PPP2R5C: variants seen among roughly 807,000 people sequenced by gnomAD.
The protein encoded by PPP2R5C is protein phosphatase 2 regulatory subunit B'gamma.
A neutral mutation model predicts 68.9 loss-of-function variants in PPP2R5C; 7 were observed. The ratio of observed to expected loss-of-function variants is 0.10; its 90% confidence interval spans 0.06 to 0.19. The LOEUF (loss-of-function observed/expected upper bound fraction) is 0.19, where lower values mean the gene tolerates loss of function less well. PPP2R5C is among the 10% of genes least tolerant of loss of function. The probability of loss-of-function intolerance (pLI) is 1.00; values close to 1 mark genes in which losing one functional copy is unlikely to be tolerated. For synonymous variants in PPP2R5C, 210 were observed against 222.2 expected, an observed-to-expected ratio of 0.95 and a Z score of 0.49; for missense variants, 348 against 641.3, an observed-to-expected ratio of 0.54 and a Z score of 4.94.
At chr14:101,832,394 G>A (rs899749119) in intron 1 of PPP2R5C, among the ~76,000 whole-genome samples, 1 of 152,096 alleles carries the variant, frequency 6.6e-6, no homozygotes, top group Admixed American at 6.5e-5. Context: ...CAAATCCATG[G>A]TTTCTTGGGT....
chr14:101,807,666 A>G (rs1290207418), upstream of PPP2R5C, among the ~76,000 whole-genome samples: 3 of 151,936 alleles, frequency 2.0e-5, no homozygotes, highest in Non-Finnish European at 4.4e-5. Flanking sequence ...ATTTATTTCT[A>G]TCTTAGAGTC....
intron 1 of PPP2R5C, among the ~76,000 whole-genome samples, chr14:101,845,091 T>C: frequency 6.6e-6 from 1 of 151,976 alleles, no homozygotes; most frequent in South Asian, 2.1e-4. Context: ...TGGATTTATA[T>C]CTTTATCCCT....
chr14:101,797,379 C>A lies in PPP2R5C; in HGVS notation c.259+11196C>A. ...CAGTCAGTACACGAGTTAACAGTTGCGTGCTTGTCTGCCTGTGTCATCCAT... is the reference window on the plus strand; with the variant it reads ...CAGTCAGTACACGAGTTAACAGTTGAGTGCTTGTCTGCCTGTGTCATCCAT... On this transcript the variant is annotated intron_variant, in intron 3 of 14. Transcript: ENST00000328724. This position sits in a 1 kb window ranked among gnomAD's most constrained non-coding sequence, Gnocchi z 4.2. 2.3e-6 allele frequency: 1 copy of A among 438,722 alleles called. No homozygotes were observed. Among genetic ancestry groups the A allele is most frequent in the Non-Finnish European group, 4.7e-6 (1 of 214,698 alleles). The allele number at this position is 438,722 out of a possible 1,614,324, so 27.2% of individuals were successfully genotyped here. A position where few individuals can be genotyped will look rare whatever the true frequency, so the allele number is the denominator to read the frequency against.
Position 101,802,951 on chromosome 14 carries a change from TA to T in PPP2R5C, c.259+16791del, listed in dbSNP as rs571594853. The stretch of plus-strand genomic sequence containing the variant: ...CACACCCACTAGGATGGCTACTATT[TA>T]AAAAAAAAAAAAAAAAAAAAAAGGA... On this transcript the variant is annotated intron_variant, in intron 3 of 14. Coordinates refer to the PPP2R5C transcript ENST00000328724. 5.1e-3 allele frequency among the ~76,000 whole-genome samples: 506 copies of T among 99,920 alleles called. 2 individuals are homozygous for T. The highest frequency in any genetic ancestry group is 0.01 in the South Asian group (31 of 3,070). The allele number at this position is 99,920 out of a possible 152,430, so 65.6% of individuals were successfully genotyped here. A position where few individuals can be genotyped will look rare whatever the true frequency, so the allele number is the denominator to read the frequency against.
chr14:101,845,043 G>A (rs3405), intron 1 of PPP2R5C, among the ~76,000 whole-genome samples: 62,126 of 151,890 alleles, frequency 0.41, 15,101 homozygotes, highest in South Asian at 0.58. Context: ...AGAGTCCTAT[G>A]TGGGAAATAT....
At chr14:101,769,670 A>G (rs1265103441) in intron 2 of PPP2R5C, among the ~76,000 whole-genome samples, 2 of 152,204 alleles carry the variant, frequency 1.3e-5, no homozygotes, top group African/African-American at 4.8e-5. Context: ...AATTTTAAAA[A>G]GTAGAGTATT....
At chr14:101,812,556 A>T (rs547841512) in intron 1 of PPP2R5C, among the ~76,000 whole-genome samples, 11 of 152,306 alleles carry the variant, frequency 7.2e-5, no homozygotes, top group South Asian at 2.1e-4. Flanking sequence ...GGATCTTTTT[A>T]AAAAAATCAT....
At chr14:101,859,373 G>T (rs1394007727) in intron 2 of PPP2R5C, among the ~76,000 whole-genome samples, 5 of 152,236 alleles carry the variant, frequency 3.3e-5, no homozygotes, top group Non-Finnish European at 7.3e-5. Context: ...GCGCAGAGTG[G>T]AAACTGGGTG....
At chr14:101,925,398 A>G (rs555865162) in exon 14 of PPP2R5C, 157 of 1,415,792 alleles carry the variant, frequency 1.1e-4, no homozygotes, top group Non-Finnish European at 1.4e-4. Context: ...TCCGTAGGCA[A>G]TAACGTGCGT....
In PPP2R5C at chr14:101,909,875, G is replaced by T. The variant is rs1612684; in HGVS notation, c.1253+185G>T. On this transcript the variant is annotated intron_variant, in intron 11 of 13. Transcript: ENST00000334743. ...ATTTTGAAAGAACAGGTGTTTAAAG[G>T]TAGCTATTCTCCCCCCTTGTATTGC... is the stretch of plus-strand genomic sequence containing the variant. Among the ~76,000 whole-genome samples, 48,198 of 152,108 alleles carry T rather than the reference G, an allele frequency of 0.32. 10,469 individuals carry two copies. Among genetic ancestry groups the T allele is most frequent in the African/African-American group, 0.62 (25,859 of 41,496 alleles).
At chr14:101,924,287 A>AT (rs1186545144) in intron 13 of PPP2R5C, among the ~76,000 whole-genome samples, 10 of 151,372 alleles carry the variant, frequency 6.6e-5, no homozygotes, top group Non-Finnish European at 1.2e-4. Context: ...GATTCACTTA[A>AT]TTTTTTTTTA....
chr14:101,852,546 G>A (rs1051449886), intron 1 of PPP2R5C, among the ~76,000 whole-genome samples: 40 of 137,150 alleles, frequency 2.9e-4, no homozygotes, highest in African/African-American at 1.0e-3. Context: ...TCAGTTCACT[G>A]CAACCTCAGC....
exon 14 of PPP2R5C, chr14:101,926,010 C>T (rs1443454551): frequency 6.6e-6 from 1 of 152,474 alleles, no homozygotes; most frequent in Non-Finnish European, 1.5e-5. Flanking sequence ...AGAGCTTGCT[C>T]TGTCTACCTT....
intron 3 of PPP2R5C, among the ~76,000 whole-genome samples, chr14:101,795,327 A>T (rs1171150020): frequency 1.3e-5 from 2 of 152,228 alleles, no homozygotes; most frequent in African/African-American, 2.4e-5. Context: ...ATACCTCTCC[A>T]ATGCTGAGAT....
In PPP2R5C at chr14:101,802,623, G is replaced by A. The variant is rs574568618; in HGVS notation, c.259+16440G>A. On this transcript the variant is annotated intron_variant, in intron 3 of 14. Coordinates refer to the PPP2R5C transcript ENST00000328724. ...CAGGCGACAAAAATAAAAATAGATA[G>A]ATTGGACTACATAAAAATTTAAAAC... Among the ~76,000 whole-genome samples the A allele has an allele frequency of 4.6e-5, 7 of 152,178 alleles. No homozygotes were observed. In the East Asian group the frequency reaches 1.4e-3, roughly 29 times the overall value.
rs78611568 is a variant in PPP2R5C, at chr14:101,874,658, G to A, written c.295-7503G>A. Among the ~76,000 whole-genome samples, 1,081 of 152,278 alleles carry A rather than the reference G, an allele frequency of 7.1e-3. 15 individuals are homozygous for A. The highest frequency in any genetic ancestry group is 0.025 in the African/African-American group (1,047 of 41,558). On this transcript the variant is annotated intron_variant, in intron 2 of 13. Transcript: ENST00000334743. The stretch of plus-strand genomic sequence containing the variant: ...CTGAAGATGATCTTGTTATGAAACT[G>A]TAGAAAATTAAAATATTCATTGTTT...
intron 2 of PPP2R5C, among the ~76,000 whole-genome samples, chr14:101,874,950 G>A (rs963215603): frequency 9.9e-5 from 15 of 152,170 alleles, no homozygotes; most frequent in Non-Finnish European, 1.3e-4. Context: ...ATGTTGGCCA[G>A]GCTGGTCTTG....
exon 9 of PPP2R5C, chr14:101,901,877 C>A: frequency 6.2e-7 from 1 of 1,614,124 alleles, no homozygotes; most frequent in Non-Finnish European, 8.5e-7. Flanking sequence ...GTGTCTCCAG[C>A]CCACACTTCC....
At chr14:101,827,725 T>C (rs907764234) in intron 1 of PPP2R5C, among the ~76,000 whole-genome samples, 2 of 152,196 alleles carry the variant, frequency 1.3e-5, no homozygotes, top group Admixed American at 6.5e-5. Flanking sequence ...CGGCCATAAG[T>C]GCAGGCTCAG....
Sources: gnomAD v4.1 joint callset for allele counts (sites outside exome capture counted in the v4.1 genomes callset) on GRCh38, gnomAD v4.1.1 for gene constraint, Gnocchi (gnomAD v3.1) non-coding constraint, MANE v1.5 for transcripts, NCBI Gene and HGNC (gene_info 2026-07-23, HGNC 2026-07-21) for gene names.